Variants in MTM1 observed in about 807,000 individuals in gnomAD.
MTM1 encodes the protein myotubularin.
A neutral mutation model predicts 52.1 loss-of-function variants in MTM1; 9 were observed. The ratio of observed to expected loss-of-function variants is 0.17; its 90% CI spans 0.10 to 0.30. The LOEUF (loss-of-function observed/expected upper bound fraction) is 0.30, where lower values mean the gene tolerates loss of function less well. Ranked by LOEUF, MTM1 falls within the 10% of genes least tolerant of loss-of-function variation. The pLI, the probability that MTM1 is intolerant of heterozygous loss-of-function variation, is 1.00. For synonymous variants in MTM1, 136 were observed against 163.8 expected (o/e 0.83, Z 1.29); for missense variants, 277 against 470.7 (o/e 0.59, Z 3.81).
intron 2 of MTM1, among the ~76,000 whole-genome samples, chrX:150,593,733 A>G (rs1381527371): frequency 8.9e-6 from 1 of 111,820 alleles, no homozygotes; most frequent in Non-Finnish European, 1.9e-5. Flanking sequence ...TAGGAGGCCA[A>G]GGTGGGAGGA....
intron 6 of MTM1, among the ~76,000 whole-genome samples, chrX:150,619,719 G>A (rs938801573): frequency 9.0e-6 from 1 of 111,413 alleles, no homozygotes; most frequent in Admixed American, 9.5e-5. Flanking sequence ...TCCTGCCTCG[G>A]CCTTGCCTCC....
intron 1 of MTM1, among the ~76,000 whole-genome samples, chrX:150,584,802 ATCC>A (rs2038754132): frequency 8.9e-6 from 1 of 111,900 alleles, no homozygotes; most frequent in Admixed American, 9.5e-5. Context: ...AACCTTGCAT[ATCC>A]TCCTGTGTAC....
chrX:150,616,350 C>T lies in MTM1; in HGVS notation c.342+1651C>T, dbSNP rs782049954. On this transcript the variant is annotated intron_variant, in intron 5 of 14. Transcript: ENST00000370396. ...ACGTCACAGAGTCATATTCCATTTTCTCAGTAACAAACCTGACATTGATAT... is the reference window on the plus strand; with the variant it reads ...ACGTCACAGAGTCATATTCCATTTTTTCAGTAACAAACCTGACATTGATAT... 2.7e-5 allele frequency among the ~76,000 whole-genome samples: 3 copies of T among 112,104 alleles called. No individual in the cohort carries two copies. In the South Asian group the frequency reaches 1.1e-3, roughly 41 times the overall value.
chrX:150,599,070 T>TCAGA (rs1557412684), intron 4 of MTM1, among the ~76,000 whole-genome samples: 2 of 112,372 alleles, frequency 1.8e-5, no homozygotes, highest in Non-Finnish European at 3.8e-5. Flanking sequence ...ATAGACTGCA[T>TCAGA]CAGAATATCC....
chrX:150,613,947 T>G lies in MTM1; in HGVS notation c.232-642T>G, dbSNP rs1214090161. On this transcript the variant is annotated intron_variant, in intron 4 of 14. Transcript: ENST00000370396. ...GCACGCATGCCAGAGACAAGCACCA[T>G]TTCCAGATGCTTGGTCTCTAGTGGG... is the stretch of plus-strand genomic sequence containing the variant. 3.6e-5 allele frequency among the ~76,000 whole-genome samples: 4 copies of G among 112,231 alleles called. No homozygotes were observed. In the East Asian group the frequency reaches 1.1e-3, roughly 31 times the overall value.
chrX:150,631,622 C>G (rs2039668654), intron 6 of MTM1, among the ~76,000 whole-genome samples: 1 of 91,578 alleles, frequency 1.1e-5, no homozygotes, highest in African/African-American at 4.1e-5. Flanking sequence ...GAGATTGCTC[C>G]ACTGCACTCC....
At chrX:150,662,786 T>C (rs1557414746) in intron 13 of MTM1, among the ~76,000 whole-genome samples, 1 of 111,154 alleles carries the variant, frequency 9.0e-6, no homozygotes, top group African/African-American at 3.3e-5. Flanking sequence ...TGTTTTTTTT[T>C]TTTCTTCCTC....
At chrX:150,663,688 T>A (rs2040261501) in intron 14 of MTM1, 79 bp downstream of exon 14, 1 of 938,101 alleles carries the variant, frequency 1.1e-6, no homozygotes, top group Non-Finnish European at 1.5e-6. Context: ...GGATTTTTTT[T>A]AACAGCATGA....
intron 1 of MTM1, among the ~76,000 whole-genome samples, chrX:150,589,163 T>G (rs2038841520): frequency 9.0e-6 from 1 of 111,383 alleles, no homozygotes; most frequent in African/African-American, 3.3e-5. Flanking sequence ...GCAACCTGGT[T>G]TCCTTCCAGA....
At position 150,672,004 on chromosome X, in the gene MTM1, C is replaced by G. The variant is rs782159315; in HGVS notation, c.*409C>G. 1.3e-5 allele frequency: 2 copies of G among 153,662 alleles called. No homozygotes were observed. Among genetic ancestry groups the G allele is most frequent in the African/African-American group, 6.3e-5 (2 of 31,500 alleles). 12.7% of individuals were successfully genotyped at this position (153,662 alleles called of 1,213,427 possible). A position where few individuals can be genotyped will look rare whatever the true frequency, so the allele number is the denominator to read the frequency against. ...CTGCTTAACAGTTGCTTTGGATTCT[C>G]TAAGATGAATCCAAATGTGAAAGAT... On this transcript the variant is annotated 3_prime_UTR_variant, in exon 15 of 15. Transcript: ENST00000370396.
Position 150,645,879 on chromosome X carries a change from G to A in MTM1, c.867+8G>A, listed in dbSNP as rs782431909. 12 of 1,199,990 alleles carry A rather than the reference G, an allele frequency of 1.0e-5. No individual in the cohort carries two copies. The highest frequency in any genetic ancestry group is 1.4e-5 in the Non-Finnish European group (12 of 885,965). ...AATGCAGTGGCCAACAAGGTGAGTG[G>A]ACTTAATGATGTGCTGGACACTTAG... On this transcript the variant is annotated splice_region_variant and intron_variant, in intron 9 of 14. Transcript: ENST00000370396.
chrX:150,575,321 G>C (rs1248017503), intron 1 of MTM1, among the ~76,000 whole-genome samples: 1 of 112,339 alleles, frequency 8.9e-6, no homozygotes, highest in African/African-American at 3.2e-5. Context: ...TTGCTGCCCT[G>C]GGCATCGCCC....
chrX:150,616,658 T>C (rs2039391251), intron 5 of MTM1, among the ~76,000 whole-genome samples: 1 of 111,210 alleles, frequency 9.0e-6, no homozygotes, highest in South Asian at 3.8e-4. Flanking sequence ...TACCAACCCC[T>C]GGTGCCTGTG....
intron 3 of MTM1, among the ~76,000 whole-genome samples, chrX:150,597,247 T>G (rs1227451572): frequency 8.9e-6 from 1 of 111,900 alleles, no homozygotes; most frequent in Non-Finnish European, 1.9e-5. Context: ...CAGGGAACCT[T>G]TTGATTAATT....
chrX:150,657,530 A>G (rs1289803300), intron 10 of MTM1, among the ~76,000 whole-genome samples: 1 of 108,514 alleles, frequency 9.2e-6, no homozygotes, highest in Non-Finnish European at 1.9e-5. Context: ...TGACGAGTTA[A>G]TGGGTGCAGC....
At chrX:150,651,262 C>T (rs1393445081) in intron 10 of MTM1, among the ~76,000 whole-genome samples, 3 of 111,533 alleles carry the variant, frequency 2.7e-5, no homozygotes, top group African/African-American at 6.5e-5. Context: ...TATACCCAAC[C>T]GAGTTTTTCT....
intron 14 of MTM1, among the ~76,000 whole-genome samples, chrX:150,665,899 C>T (rs180817278): frequency 8.9e-6 from 1 of 112,038 alleles, no homozygotes; most frequent in African/African-American, 3.2e-5. Context: ...TGCCAGTGAC[C>T]ATCATACGGT....
intron 4 of MTM1, among the ~76,000 whole-genome samples, chrX:150,609,369 G>A (rs912270029): frequency 4.5e-5 from 5 of 111,517 alleles, no homozygotes; most frequent in Non-Finnish European, 9.4e-5. Context: ...GTAGACATAG[G>A]AGACTGGCTT....
chrX:150,620,150 T>C (rs1481843678), intron 6 of MTM1, among the ~76,000 whole-genome samples: 1 of 112,190 alleles, frequency 8.9e-6, no homozygotes, highest in Non-Finnish European at 1.9e-5. Context: ...GTGAGTCTAA[T>C]TGATGAAAGT....
Sources: gnomAD v4.1 joint callset for allele counts (sites outside exome capture counted in the v4.1 genomes callset) on GRCh38, gnomAD v4.1.1 for gene constraint, MANE v1.5 for transcripts, NCBI Gene and HGNC (gene_info 2026-07-23, HGNC 2026-07-21) for gene names.